NLRP12: variants seen among roughly 807,000 people sequenced by gnomAD.
The protein encoded by NLRP12 is NLR family pyrin domain containing 12, also known as NACHT, LRR and PYD domains-containing protein 12.
Under a neutral mutation model 91.2 loss-of-function variants are expected in NLRP12, and 108 were observed. That is an observed-to-expected ratio of 1.18 (90% CI 1.01 to 1.39). The LOEUF (loss-of-function observed/expected upper bound fraction) is 1.39. Ranked by LOEUF, NLRP12 falls within the 40% of genes most tolerant of loss-of-function variation. NLRP12 has a pLI of 0.00. For synonymous variants in NLRP12, 613 were observed against 566.7 expected (o/e 1.08, Z -1.16); for missense variants, 1,530 against 1,352.7 (o/e 1.13, Z -2.06).
intron 2 of NLRP12, among the ~76,000 whole-genome samples, chr19:53,813,783 G>A (rs908644869): frequency 1.6e-4 from 24 of 151,932 alleles, no homozygotes; most frequent in Non-Finnish European, 3.2e-4. Context: ...AACCTCCTGG[G>A]CTCAACTAAT....
chr19:53,816,705 AT>A (rs1038723154), intron 1 of NLRP12, among the ~76,000 whole-genome samples: 45 of 151,738 alleles, frequency 3.0e-4, no homozygotes, highest in African/African-American at 1.1e-3. Flanking sequence ...ATACAAAAAA[AT>A]AATTTTTGTA....
intron 7 of NLRP12, among the ~76,000 whole-genome samples, chr19:53,799,755 T>C (rs2091836422): frequency 6.6e-6 from 1 of 151,996 alleles, no homozygotes; most frequent in South Asian, 2.1e-4. Context: ...AGTGCTAAGA[T>C]TACAGGTGTG....
In NLRP12 at chr19:53,807,516, T is replaced by G. The variant is rs548804330; in HGVS notation, c.2222A>C (p.Asn741Thr). ...KLLCQGLRHPNCKLQNLRLKR... is the reference protein window; with the variant it reads ...KLLCQGLRHPTCKLQNLRLKR... ...TCACCTCAGGTTCTGAAGTTTGCAG[T>G]TGGGGTGTCTGAGTCCTTGACAGAG... is the stretch of plus-strand genomic sequence containing the variant. The change falls in exon 4 of 10, where the codon AAC becomes ACC. Residue 741 changes from asparagine to threonine, a missense_variant. Physicochemically the swap from Asn to Thr is moderately conservative, Grantham distance 65. Transcript: ENST00000324134. 7 of 1,614,054 alleles carry G rather than the reference T, an allele frequency of 4.3e-6. No individual in the cohort carries two copies. Among genetic ancestry groups the G allele is most frequent in the Admixed American group, 1.7e-5 (1 of 59,988 alleles).
At chr19:53,811,548 T>C (rs968525074) in intron 2 of NLRP12, among the ~76,000 whole-genome samples, 2 of 151,946 alleles carry the variant, frequency 1.3e-5, no homozygotes, top group African/African-American at 4.8e-5. Context: ...ATAATTTATT[T>C]GTTTTGAGAC....
intron 1 of NLRP12, among the ~76,000 whole-genome samples, chr19:53,823,520 A>ATT (rs1599877719): frequency 2.8e-4 from 1 of 3,514 alleles, no homozygotes; most frequent in East Asian, 2.1e-3. Context: ...TATTTAAAAC[A>ATT]TATATTTTAA....
chr19:53,812,178 C>T (rs2092086986), intron 2 of NLRP12, among the ~76,000 whole-genome samples: 1 of 151,530 alleles, frequency 6.6e-6, no homozygotes, highest in East Asian at 1.9e-4. Context: ...CTGTGTTATC[C>T]AGGCTGGTCT....
chr19:53,811,415 G>T, intron 2 of NLRP12, 127 bp from the exon 3 acceptor site: 1 of 1,058,796 alleles, frequency 9.4e-7, no homozygotes, highest in Non-Finnish European at 1.4e-6. Flanking sequence ...TCAGGAGGCT[G>T]AGATGGGAGA....
In NLRP12 at chr19:53,809,517, CAAAAAAA is replaced by C. The variant is rs3973672; in HGVS notation, c.2072+63_2072+69del. 2.9e-3 allele frequency: 1,995 copies of C among 692,756 alleles called. 4 individuals are homozygous for C. Among genetic ancestry groups the C allele is most frequent in the African/African-American group, 5.0e-3 (191 of 38,256 alleles). 42.9% of individuals were successfully genotyped at this position (692,756 alleles called of 1,614,324 possible). On this transcript the variant is annotated intron_variant, in intron 3 of 9. Coordinates refer to ENST00000324134, the MANE Select transcript of NLRP12 (RefSeq NM_144687.4). ...GTGTACTCCAGCCTAGGCAACAGAG[CAAAAAAA>C]AAAAAAAAAAAAAAAAACACACGAA...
At chr19:53,823,477 T>TAA in intron 1 of NLRP12, among the ~76,000 whole-genome samples, 1 of 85,382 alleles carries the variant, frequency 1.2e-5, no homozygotes, top group Non-Finnish European at 2.4e-5. Context: ...ATATTTAAAA[T>TAA]ATATATTTTA....
intron 3 of NLRP12, chr19:53,808,568 G>A (rs1334709220): frequency 6.6e-6 from 1 of 152,140 alleles, no homozygotes; most frequent in Non-Finnish European, 1.5e-5. Context: ...AAAATTAGCT[G>A]GGTGTGGTGG....
intron 1 of NLRP12, among the ~76,000 whole-genome samples, chr19:53,817,615 A>G (rs1482714579): frequency 2.0e-5 from 3 of 151,922 alleles, no homozygotes; most frequent in Admixed American, 2.0e-4. Context: ...AGATGCCTGT[A>G]ATCCCAGCTA....
At chr19:53,806,705 GAAATT>G (rs60879821) in intron 4 of NLRP12, among the ~76,000 whole-genome samples, 1,939 of 50,372 alleles carry the variant, frequency 0.038, 36 homozygotes, top group African/African-American at 0.1. Context: ...AAAAAAAAAA[GAAATT>G]AGCCGGGTGT....
At chr19:53,807,453 C>T (rs144019790) in intron 4 of NLRP12, 42 bp downstream of exon 4, 17,137 of 1,591,228 alleles carry the variant, frequency 0.011, 94 homozygotes, top group Non-Finnish European at 0.013. Flanking sequence ...TGAGAGGCCA[C>T]GGTGGGGACC....
chr19:53,819,409 TAA>T lies in NLRP12; in HGVS notation c.290-4423_290-4422del, dbSNP rs1568694553. On this transcript the variant is annotated intron_variant, in intron 1 of 9. Transcript: ENST00000324134. Reference sequence around the variant, plus strand: ...ACAGGCGTGTGCCACTACGCCTGGCTAATATATATATATATATATATATATAT... The same window carrying T: ...ACAGGCGTGTGCCACTACGCCTGGCTTATATATATATATATATATATATAT... Among the ~76,000 whole-genome samples the T allele has an allele frequency of 2.5e-4, 17 of 67,402 alleles. 1 individual carries two copies. Among genetic ancestry groups the T allele is most frequent in the African/African-American group, 8.9e-4 (15 of 16,812 alleles). 44.2% of individuals were successfully genotyped at this position (67,402 alleles called of 152,430 possible).
At chr19:53,794,267 T>A in intron 9 of NLRP12, 131 bp from the exon 10 acceptor site, 1 of 754,482 alleles carries the variant, frequency 1.3e-6, no homozygotes, top group Non-Finnish European at 2.4e-6. Flanking sequence ...CCAACGCTGC[T>A]GGAAAGTAGG....
At chr19:53,797,532 C>T (rs8103126) in intron 8 of NLRP12, among the ~76,000 whole-genome samples, 51,267 of 151,740 alleles carry the variant, frequency 0.34, 8,911 homozygotes, top group African/African-American at 0.42. Context: ...CATTCTCCTG[C>T]CTCAACCTCC....
In NLRP12 at chr19:53,823,880, C is replaced by G. The variant is rs759740682; in HGVS notation, c.289+6G>C. 19 of 1,613,730 alleles carry G rather than the reference C, an allele frequency of 1.2e-5. No individual in the cohort carries two copies. The highest frequency in any genetic ancestry group is 1.6e-5 in the Non-Finnish European group (19 of 1,180,028). On this transcript the variant is annotated splice_donor_region_variant and intron_variant, in intron 1 of 9. Coordinates refer to ENST00000324134, the MANE Select transcript of NLRP12 (RefSeq NM_144687.4). ...TCTAGCCTTGCCTGTCCCGCCACCT[C>G]CTTACCCCTCACCAGGTCCTCTCTC... is the stretch of plus-strand genomic sequence containing the variant.
Position 53,805,468 on chromosome 19 carries a change from A to C in NLRP12, c.2244-18T>G. 1 of 1,612,180 alleles carries C rather than the reference A, an allele frequency of 6.2e-7. No homozygotes were observed. Among genetic ancestry groups the C allele is most frequent in the Non-Finnish European group, 8.5e-7 (1 of 1,179,286 alleles). On this transcript the variant is annotated intron_variant, in intron 4 of 9. Coordinates refer to ENST00000324134, the MANE Select transcript of NLRP12 (RefSeq NM_144687.4). ...TCTTCAGCCTGGGGTGGAAAAGAGG[A>C]GAAAGGAGCTGGTCATTTCTTTTGC...
chr19:53,823,460 T>TAAAATATATATTTA (rs376319221), intron 1 of NLRP12, among the ~76,000 whole-genome samples: 2 of 111,190 alleles, frequency 1.8e-5, no homozygotes, highest in Non-Finnish European at 3.4e-5. Context: ...ATATATATTT[T>TAAAATATATATTTA]AAATATATAT....
Sources: gnomAD v4.1 joint callset for allele counts (sites outside exome capture counted in the v4.1 genomes callset) on GRCh38, gnomAD v4.1.1 for gene constraint, MANE v1.5 for transcripts, NCBI Gene and HGNC (gene_info 2026-07-23, HGNC 2026-07-21) for gene names.